BTBD8: variants seen among roughly 807,000 people sequenced by gnomAD.
BTBD8 encodes the protein BTB/POZ domain-containing protein 8.
BTBD8 carries 110 observed loss-of-function variants against 162.9 expected under a neutral mutation model. That is an observed-to-expected ratio of 0.68 (90% CI 0.58 to 0.79). The LOEUF (loss-of-function observed/expected upper bound fraction) is 0.79, where lower values mean the gene tolerates loss of function less well. BTBD8 is among the 30% of genes least tolerant of loss of function. The pLI is 0.00. For missense variants in BTBD8, 1,905 were observed against 2,085.4 expected, an observed-to-expected ratio of 0.91 and a Z score of 1.68; for synonymous variants, 667 against 716.1, an observed-to-expected ratio of 0.93 and a Z score of 1.10.
At chr1:92,110,992 C>A (rs1275854904) in intron 4 of BTBD8, among the ~76,000 whole-genome samples, 2 of 149,790 alleles carry the variant, frequency 1.3e-5, no homozygotes, top group Non-Finnish European at 3.0e-5. Context: ...AGCAGTCATT[C>A]CTTTTTTTTT....
intron 5 of BTBD8, among the ~76,000 whole-genome samples, chr1:92,131,317 G>A (rs1208203697): frequency 1.3e-5 from 2 of 152,194 alleles, no homozygotes; most frequent in South Asian, 2.1e-4. Flanking sequence ...AATACATGGC[G>A]TGGGCAATAC....
At chr1:92,135,305 C>G (rs1649609967) in intron 5 of BTBD8, among the ~76,000 whole-genome samples, 1 of 152,206 alleles carries the variant, frequency 6.6e-6, no homozygotes, top group South Asian at 2.1e-4. Flanking sequence ...CCTGCCTCAG[C>G]CTCCTGAGTA....
intron 17 of BTBD8, among the ~76,000 whole-genome samples, 153 bp from the exon 18 acceptor site, chr1:92,183,711 A>G (rs972512792): frequency 4.0e-5 from 6 of 151,304 alleles, no homozygotes; most frequent in African/African-American, 1.5e-4. Context: ...AAATGCCTCA[A>G]AAATCTTGTC....
At chr1:92,139,811 G>A (rs1003176611) in intron 6 of BTBD8, 54 of 164,576 alleles carry the variant, frequency 3.3e-4, no homozygotes, top group Non-Finnish European at 1.5e-4. Flanking sequence ...TATAGGGGCT[G>A]GGTGCGGTGG....
At chr1:92,106,916 A>T (rs1487177046) in intron 3 of BTBD8, among the ~76,000 whole-genome samples, 1 of 151,848 alleles carries the variant, frequency 6.6e-6, no homozygotes, top group Non-Finnish European at 1.5e-5. Flanking sequence ...GTCTATATAA[A>T]ACATAAAAGT....
chr1:92,147,975 AG>A (rs1339492081), intron 9 of BTBD8, 189 bp downstream of exon 9: 3 of 573,872 alleles, frequency 5.2e-6, no homozygotes, highest in African/African-American at 3.8e-5. Context: ...CTCATCAGTC[AG>A]GGTTGAAACA....
At chr1:92,178,135 A>G (rs1650775824) in intron 15 of BTBD8, among the ~76,000 whole-genome samples, 177 bp from the exon 16 acceptor site, 1 of 152,184 alleles carries the variant, frequency 6.6e-6, no homozygotes. Flanking sequence ...ACCTTGCTTT[A>G]TTATACTTGA....
In BTBD8 at chr1:92,102,055, T is replaced by C. The variant is rs532949697; in HGVS notation, c.348-418T>C. ...ATTCTTTTTTGAGATGGAGTCTTGC[T>C]CTGTCGCTCAGGCTGGATTACAGTG... is the stretch of plus-strand genomic sequence containing the variant. On this transcript the variant is annotated intron_variant, in intron 2 of 17. Transcript: ENST00000636805. Among the ~76,000 whole-genome samples, 3 of 152,240 alleles carry C rather than the reference T, an allele frequency of 2.0e-5. 1 individual carries two copies. In the South Asian group the frequency reaches 6.2e-4, roughly 32 times the overall value.
chr1:92,111,852 CT>C (rs1648904255), intron 4 of BTBD8, among the ~76,000 whole-genome samples: 1 of 152,060 alleles, frequency 6.6e-6, no homozygotes, highest in African/African-American at 2.4e-5. Context: ...AAACTATGGC[CT>C]AAATGTGGTT....
At chr1:92,106,475 A>G (rs1241073115) in intron 3 of BTBD8, among the ~76,000 whole-genome samples, 2 of 151,666 alleles carry the variant, frequency 1.3e-5, no homozygotes, top group East Asian at 1.9e-4. Context: ...CCTGGCTAAC[A>G]TGGTGAAACC....
chr1:92,096,072 C>T (rs555526580), intron 2 of BTBD8, among the ~76,000 whole-genome samples: 132 of 151,924 alleles, frequency 8.7e-4, no homozygotes, highest in Admixed American at 1.5e-3. Context: ...CCAAGGCTTA[C>T]GCAATTCTTG....
In BTBD8 at chr1:92,168,849, T is replaced by G. The variant is rs1650455944; in HGVS notation, c.1444-17T>G. ...AATGTGGCTCTCACCAGCTGCTGAT[T>G]TGTTGCTTGAACACAGGGTTTTACG... On this transcript the variant is annotated splice_polypyrimidine_tract_variant and intron_variant, in intron 11 of 17. Transcript: ENST00000636805. The G allele has an allele frequency of 6.7e-7, 1 of 1,497,130 alleles. No homozygotes were observed. The highest frequency in any genetic ancestry group is 9.0e-7 in the Non-Finnish European group (1 of 1,106,190). The allele number at this position is 1,497,130 out of a possible 1,614,324, so 92.7% of individuals were successfully genotyped here. A position where few individuals can be genotyped will look rare whatever the true frequency, so the allele number is the denominator to read the frequency against.
At chr1:92,174,159 A>AT (rs1557465251) in intron 13 of BTBD8, among the ~76,000 whole-genome samples, 2 of 152,130 alleles carry the variant, frequency 1.3e-5, no homozygotes, top group East Asian at 3.9e-4. Flanking sequence ...GTGAGGATTC[A>AT]TTATACTCTT....
intron 7 of BTBD8, among the ~76,000 whole-genome samples, chr1:92,145,170 GC>G (rs1239369068): frequency 6.6e-6 from 1 of 152,086 alleles, no homozygotes; most frequent in Non-Finnish European, 1.5e-5. Context: ...TGCCATGTTG[GC>G]CAGGCTGGCC....
intron 2 of BTBD8, among the ~76,000 whole-genome samples, chr1:92,096,003 G>T (rs996600906): frequency 1.7e-4 from 26 of 149,894 alleles, no homozygotes; most frequent in African/African-American, 5.4e-4. Flanking sequence ...ACAGAGGCTT[G>T]CTCTGTCACC....
chr1:92,152,581 A>C (rs1650069882), intron 9 of BTBD8, among the ~76,000 whole-genome samples: 1 of 152,064 alleles, frequency 6.6e-6, no homozygotes, highest in South Asian at 2.1e-4. Flanking sequence ...CTGTAACTGG[A>C]ATGAGAGAAG....
chr1:92,108,726 C>A (rs1171892235), intron 4 of BTBD8, among the ~76,000 whole-genome samples: 3 of 152,212 alleles, frequency 2.0e-5, no homozygotes, highest in Non-Finnish European at 4.4e-5. Flanking sequence ...GAAAGAAGTG[C>A]AGCTGGGTCT....
chr1:92,134,900 T>TG (rs1448371464), intron 5 of BTBD8, among the ~76,000 whole-genome samples: 1 of 150,762 alleles, frequency 6.6e-6, no homozygotes, highest in Non-Finnish European at 1.5e-5. Flanking sequence ...AATTAATTTT[T>TG]TTTTTTTTTA....
rs547595534 is a variant in BTBD8 at position 92,157,810 on chromosome 1, T to C, written c.1123-9148T>C. On this transcript the variant is annotated intron_variant, in intron 9 of 17. Transcript: ENST00000636805. ...GCACGAGCCACTGTGCCCAACATGTTGTATTCACTATTGAAAAGTTGTGTA... is the reference window on the plus strand; with the variant it reads ...GCACGAGCCACTGTGCCCAACATGTCGTATTCACTATTGAAAAGTTGTGTA... 2.0e-5 allele frequency among the ~76,000 whole-genome samples: 3 copies of C among 152,340 alleles called. No individual in the cohort carries two copies. The South Asian group carries it at 6.2e-4, about 32-fold the overall frequency.
Sources: gnomAD v4.1 joint callset for allele counts (sites outside exome capture counted in the v4.1 genomes callset) on GRCh38, gnomAD v4.1.1 for gene constraint, MANE v1.5 for transcripts, NCBI Gene and HGNC (gene_info 2026-07-23, HGNC 2026-07-21) for gene names.